Variants in PCDHGB4 observed in about 807,000 individuals in gnomAD.
PCDHGB4 encodes the protein protocadherin gamma subfamily B, 4, also known as protocadherin gamma-B4.
In PCDHGB4, 38 loss-of-function variants were observed where a neutral mutation model predicts 60.5. The ratio of observed to expected loss-of-function variants is 0.63; its 90% CI spans 0.48 to 0.82. PCDHGB4 has a LOEUF of 0.82. Ranked by LOEUF, PCDHGB4 falls within the 40% of genes least tolerant of loss-of-function variation. The pLI is 0.00. For missense variants in PCDHGB4, 1,109 were observed against 1,209.6 expected, an observed-to-expected ratio of 0.92 and a Z score of 1.23; for synonymous variants, 456 against 509.7, an observed-to-expected ratio of 0.89 and a Z score of 1.42.
Position 141,431,732 on chromosome 5 carries a change from G to C in PCDHGB4, c.2397+41451G>C. 1 of 1,614,238 alleles carries C rather than the reference G, an allele frequency of 6.2e-7. No individual in the cohort carries two copies. Among genetic ancestry groups the C allele is most frequent in the Non-Finnish European group, 8.5e-7 (1 of 1,180,046 alleles). On this transcript the variant is annotated intron_variant, in intron 1 of 3. Coordinates refer to ENST00000519479, the MANE Select transcript of PCDHGB4 (RefSeq NM_003736.4). The surrounding 1 kb of genome is among the most constrained non-coding windows in gnomAD (Gnocchi z 4.8). ...GATGGAAGTGCAAGCAATGGATAAT[G>C]CAGGATATTCTGCGCGAGCCAAAGT...
At chr5:141,393,297 G>T (rs376887343) in intron 1 of PCDHGB4, 3 of 1,613,934 alleles carry the variant, frequency 1.9e-6, no homozygotes, top group Non-Finnish European at 1.7e-6. Context: ...TGACCCGGAT[G>T]TGGGCGTGAA....
At position 141,389,328 on chromosome 5, in the gene PCDHGB4, A is replaced by T; in HGVS notation, c.1444A>T (p.Asn482Tyr). The change falls in exon 1 of 4, where the codon AAC becomes TAC. Residue 482 changes from asparagine (N) to tyrosine (Y), a missense_variant. Coordinates refer to ENST00000519479, the MANE Select transcript of PCDHGB4 (RefSeq NM_003736.4). ...GGCTTCTGATCCGGACTTGGGGCCC[A>T]ACGGCCAAGTCTCTTACTGCATCAT... ...VRASDPDLGP[N>Y]GQVSYCIMAS... 1 of 1,613,972 alleles carries T rather than the reference A, an allele frequency of 6.2e-7. No individual in the cohort carries two copies.
In PCDHGB4 at chr5:141,394,544, G is replaced by A. The variant is rs759661980; in HGVS notation, c.2397+4263G>A. 2.5e-6 allele frequency: 4 copies of A among 1,614,054 alleles called. No individual in the cohort carries two copies. In the South Asian group the frequency reaches 3.3e-5, roughly 13 times the overall value. ...CAGACGGTTCCACTGGCGTGGAGCT[G>A]GCGCCCCGCTCCGCAGAGCGTGGCT... On this transcript the variant is annotated intron_variant, in intron 1 of 3. Coordinates refer to ENST00000519479, the MANE Select transcript of PCDHGB4 (RefSeq NM_003736.4).
At chr5:141,448,999 GT>G (rs910018882) in intron 1 of PCDHGB4, among the ~76,000 whole-genome samples, 2 of 151,816 alleles carry the variant, frequency 1.3e-5, no homozygotes, top group African/African-American at 4.8e-5. Context: ...ATAGAAAGCT[GT>G]TTTTTTTAAC....
intron 1 of PCDHGB4, chr5:141,403,345 A>C (rs1267522141): frequency 1.2e-6 from 2 of 1,614,050 alleles, no homozygotes; most frequent in South Asian, 2.2e-5. Context: ...ACAGCGCCCC[A>C]AAGTTCCAGG....
chr5:141,468,983 AATT>A (rs958294955), intron 1 of PCDHGB4, among the ~76,000 whole-genome samples: 5 of 148,376 alleles, frequency 3.4e-5, no homozygotes, highest in Admixed American at 6.8e-5. Context: ...TGACTTCCAA[AATT>A]ATTGTTTTTG....
Position 141,388,912 on chromosome 5 carries a change from C to T in PCDHGB4, c.1028C>T (p.Pro343Leu). 6.2e-7 allele frequency: 1 copy of T among 1,613,946 alleles called. No individual in the cohort carries two copies. The highest frequency in any genetic ancestry group is 8.5e-7 in the Non-Finnish European group (1 of 1,179,864). The part of the protein sequence containing the change: ...VEVIDENDNA[P>L]EVIFQSLPNL... Reference sequence around the variant, plus strand: ...GTCATAGATGAAAATGACAACGCCCCAGAAGTGATATTCCAGTCTCTACCC... The same window carrying T: ...GTCATAGATGAAAATGACAACGCCCTAGAAGTGATATTCCAGTCTCTACCC... The change falls in exon 1 of 4, where the codon CCA becomes CTA. Residue 343 changes from proline to leucine, a missense_variant. Coordinates refer to ENST00000519479, the MANE Select transcript of PCDHGB4 (RefSeq NM_003736.4).
rs752720166 is a variant in PCDHGB4, at chr5:141,419,978, G to C, written c.2397+29697G>C. 1.9e-6 allele frequency: 3 copies of C among 1,614,076 alleles called. No homozygotes were observed. In the South Asian group the frequency reaches 3.3e-5, roughly 18 times the overall value. On this transcript the variant is annotated intron_variant, in intron 1 of 3. Transcript: ENST00000519479. Reference sequence around the variant, plus strand: ...GATTTCTGTGCTCTTTCTCCTCGCGGTGATTCTAGCTATTGCTCTACGCCT... The same window carrying C: ...GATTTCTGTGCTCTTTCTCCTCGCGCTGATTCTAGCTATTGCTCTACGCCT...
chr5:141,390,048 T>C lies in PCDHGB4; in HGVS notation c.2164T>C (p.Trp722Arg), dbSNP rs1307418187. ...GCGACGCTCCTCCAGCCCCGCCTCCTGGAGCTGCTTCCAGCCTGGTCTCTG... is the reference window on the plus strand; with the variant it reads ...GCGACGCTCCTCCAGCCCCGCCTCCCGGAGCTGCTTCCAGCCTGGTCTCTG... Reference protein sequence around the residue: ...RLRRSSSPASWSCFQPGLCVK... With the variant: ...RLRRSSSPASRSCFQPGLCVK... The change falls in exon 1 of 4, where the codon TGG becomes CGG. Residue 722 changes from tryptophan (W) to arginine (R), a missense_variant. This residue lies in a region of PCDHGB4 where 1,068 missense variants were observed against 1,089.9 expected (regional missense o/e 0.98). Coordinates refer to ENST00000519479, the MANE Select transcript of PCDHGB4 (RefSeq NM_003736.4). The C allele has an allele frequency of 1.2e-6, 2 of 1,613,948 alleles. No homozygotes were observed. The highest frequency in any genetic ancestry group is 1.3e-5 in the African/African-American group (1 of 74,946).
Position 141,510,977 on chromosome 5 carries a change from G to T in PCDHGB4, c.2576G>T (p.Gly859Val). 1.2e-6 allele frequency: 2 copies of T among 1,614,170 alleles called. No individual in the cohort carries two copies. Among genetic ancestry groups the T allele is most frequent in the Non-Finnish European group, 1.7e-6 (2 of 1,180,020 alleles). The change falls in exon 4 of 4, where the codon GGG becomes GTG. Residue 859 changes from glycine to valine, a missense_variant. Physicochemically the swap from Gly to Val is moderately radical, Grantham distance 109. Around this residue, in one of 2 missense-constraint regions of PCDHGB4, gnomAD observed 1,068 missense variants for 1,089.9 expected, o/e 0.98. Transcript: ENST00000519479. ...GCTGATGGGAGCTCCACCCTGGGAG[G>T]GGGTGCCGGCACCATGGGATTGAGC... ...EAADGSSTLG[G>V]GAGTMGLSAR...
intron 1 of PCDHGB4, among the ~76,000 whole-genome samples, chr5:141,437,829 C>T (rs2097913718): frequency 6.6e-6 from 1 of 151,986 alleles, no homozygotes; most frequent in Admixed American, 6.6e-5. Flanking sequence ...CCTCTGCCTC[C>T]TGGGTTCATG....
chr5:141,415,194 C>T (rs1252476580), intron 1 of PCDHGB4: 2 of 1,614,064 alleles, frequency 1.2e-6, no homozygotes, highest in Non-Finnish European at 1.7e-6. Context: ...ACAGCATCCC[C>T]CAAGTCCTGG....
At chr5:141,424,698 T>G (rs1214214315) in intron 1 of PCDHGB4, 1 of 152,228 alleles carries the variant, frequency 6.6e-6, no homozygotes, top group Non-Finnish European at 1.5e-5. Context: ...GCTATTTTTT[T>G]GTTCATTTTC....
chr5:141,445,025 C>T (rs2154560886), intron 1 of PCDHGB4, among the ~76,000 whole-genome samples: 2 of 152,200 alleles, frequency 1.3e-5, no homozygotes, highest in Middle Eastern at 6.8e-3. Flanking sequence ...TTTCTCTCAG[C>T]TATGTTGTAT....
At chr5:141,456,574 T>G (rs373414652) in intron 1 of PCDHGB4, among the ~76,000 whole-genome samples, 3 of 152,198 alleles carry the variant, frequency 2.0e-5, no homozygotes, top group South Asian at 4.1e-4. Flanking sequence ...ACATTTTCCC[T>G]GAGCCTGTCA....
chr5:141,428,116 A>G, intron 1 of PCDHGB4: 1 of 1,607,216 alleles, frequency 6.2e-7, no homozygotes, highest in Non-Finnish European at 8.5e-7. Flanking sequence ...CAGGCCATCG[A>G]GCCCGGGCTT....
At chr5:141,408,882 A>G (rs1561715935) in intron 1 of PCDHGB4, 1 of 1,613,404 alleles carries the variant, frequency 6.2e-7, no homozygotes, top group Admixed American at 1.7e-5. Context: ...GCCACCGCTC[A>G]CATAGAAATT....
chr5:141,465,483 A>T (rs1279787337), intron 1 of PCDHGB4, among the ~76,000 whole-genome samples: 1 of 152,236 alleles, frequency 6.6e-6, no homozygotes, highest in Non-Finnish European at 1.5e-5. Flanking sequence ...TCATGAGAGG[A>T]ATGAGCGGGA....
chr5:141,394,521 G>C, intron 1 of PCDHGB4: 1 of 1,614,212 alleles, frequency 6.2e-7, no homozygotes, highest in Non-Finnish European at 8.5e-7. Context: ...CCTCCCCACA[G>C]ACGGTTCCAC....
Sources: gnomAD v4.1 joint callset for allele counts (sites outside exome capture counted in the v4.1 genomes callset) on GRCh38, gnomAD v4.1.1 for gene constraint, gnomAD v4.1.1 regional missense constraint, Gnocchi (gnomAD v3.1) non-coding constraint, MANE v1.5 for transcripts, NCBI Gene and HGNC (gene_info 2026-07-23, HGNC 2026-07-21) for gene names.